PTPRT: variants seen among roughly 807,000 people sequenced by gnomAD.
PTPRT encodes protein tyrosine phosphatase receptor type T.
PTPRT carries 56 observed loss-of-function variants against 176.8 expected under a neutral mutation model. That is an observed-to-expected ratio of 0.32 (90% CI 0.26 to 0.40). PTPRT has a LOEUF of 0.40. PTPRT is among the 10% of genes least tolerant of loss of function. PTPRT has a pLI of 1.00. For missense variants in PTPRT, 1,540 were observed against 1,908.2 expected, an observed-to-expected ratio of 0.81 and a Z score of 3.60; for synonymous variants, 783 against 739.0, an observed-to-expected ratio of 1.06 and a Z score of -0.96.
chr20:42,793,746 C>G (rs566247914), intron 2 of PTPRT, among the ~76,000 whole-genome samples: 47 of 152,196 alleles, frequency 3.1e-4, no homozygotes, highest in Non-Finnish European at 5.9e-4. Context: ...GAGATGAGAC[C>G]GAGCCTGCAT....
chr20:42,827,794 T>C (rs1417139741), intron 2 of PTPRT, among the ~76,000 whole-genome samples: 1 of 152,182 alleles, frequency 6.6e-6, no homozygotes, highest in Non-Finnish European at 1.5e-5. Flanking sequence ...TTGGCACTTC[T>C]CCTTAATGTC....
intron 6 of PTPRT, among the ~76,000 whole-genome samples, chr20:42,691,851 C>T (rs2075798696): frequency 6.6e-6 from 1 of 152,168 alleles, no homozygotes; most frequent in Non-Finnish European, 1.5e-5. Flanking sequence ...CTGTTGTCTA[C>T]CACAGGTCAC....
At chr20:42,747,071 A>G (rs546835057) in intron 6 of PTPRT, among the ~76,000 whole-genome samples, 1 of 152,312 alleles carries the variant, frequency 6.6e-6, no homozygotes, top group South Asian at 2.1e-4. Context: ...AGACCATAAG[A>G]GGAGCACAGG....
intron 1 of PTPRT, among the ~76,000 whole-genome samples, chr20:43,029,961 C>G (rs1273329557): frequency 6.6e-6 from 1 of 152,184 alleles, no homozygotes. Context: ...ATGGCCACAG[C>G]CAACCTGATA....
intron 1 of PTPRT, among the ~76,000 whole-genome samples, chr20:43,140,332 C>T (rs1229380154): frequency 3.3e-5 from 5 of 152,106 alleles, no homozygotes; most frequent in African/African-American, 1.2e-4. Flanking sequence ...CTGCAATAAA[C>T]ATCCCAGTAC....
intron 9 of PTPRT, among the ~76,000 whole-genome samples, chr20:42,403,445 T>G (rs2058930790): frequency 1.3e-5 from 2 of 152,166 alleles, no homozygotes; most frequent in Non-Finnish European, 2.9e-5. Context: ...CTTCCTCAAG[T>G]GCATCAAATA....
At chr20:42,501,289 T>C (rs2071746922) in intron 7 of PTPRT, among the ~76,000 whole-genome samples, 1 of 152,218 alleles carries the variant, frequency 6.6e-6, no homozygotes, top group Non-Finnish European at 1.5e-5. Context: ...ACTTCATCCA[T>C]TCCCATTGCT....
chr20:42,512,649 G>C (rs981550266), intron 7 of PTPRT, among the ~76,000 whole-genome samples: 3 of 152,042 alleles, frequency 2.0e-5, no homozygotes, highest in African/African-American at 7.2e-5. Context: ...TATTTGGGTT[G>C]CTGGGTCTAA....
At chr20:43,160,023 A>G (rs1253673166) in intron 1 of PTPRT, among the ~76,000 whole-genome samples, 1 of 151,984 alleles carries the variant, frequency 6.6e-6, no homozygotes, top group African/African-American at 2.4e-5. Context: ...AAAAGAAAGA[A>G]AAAGAAAAAG....
chr20:42,676,780 A>T (rs2075512172), intron 7 of PTPRT, among the ~76,000 whole-genome samples: 2 of 152,234 alleles, frequency 1.3e-5, no homozygotes, highest in South Asian at 4.1e-4. Flanking sequence ...AATTTGCAAC[A>T]AATAAAGAGC....
chr20:42,404,553 T>G (rs1438365258), intron 9 of PTPRT, among the ~76,000 whole-genome samples: 1 of 152,134 alleles, frequency 6.6e-6, no homozygotes, highest in Non-Finnish European at 1.5e-5. Context: ...GAGGCCAGAT[T>G]CATCAAATTC....
chr20:42,414,890 T>C (rs1050723385), intron 9 of PTPRT, among the ~76,000 whole-genome samples: 2 of 152,178 alleles, frequency 1.3e-5, no homozygotes, highest in Non-Finnish European at 2.9e-5. Context: ...CTCCCACTTA[T>C]CTGGAAAAAT....
rs772057709 is a variant in PTPRT, at chr20:42,472,358, C to T, written c.1358G>A (p.Arg453His). Residue 453 changes from arginine (R) to histidine (H), a missense_variant, in exon 8 of 31, where the codon CGC becomes CAC. By Grantham distance (29) the Arg-to-His change is conservative (BLOSUM62 0). Coordinates refer to ENST00000373187, the MANE Select transcript of PTPRT (RefSeq NM_007050.6). ...TCGCAGCCGGATGGTCATGAAGGGGCGCAGGCCTCGCAGGGTGTAGTGGGA... is the reference window on the plus strand; with the variant it reads ...TCGCAGCCGGATGGTCATGAAGGGGTGCAGGCCTCGCAGGGTGTAGTGGGA... ...TSSHYTLRGL[R>H]PFMTIRLRLL... The T allele has an allele frequency of 1.1e-5, 18 of 1,614,048 alleles. No individual in the cohort carries two copies. The highest frequency in any genetic ancestry group is 1.6e-4 in the Middle Eastern group (1 of 6,084).
intron 1 of PTPRT, among the ~76,000 whole-genome samples, chr20:42,937,763 T>C (rs1417105678): frequency 3.3e-5 from 5 of 152,204 alleles, no homozygotes; most frequent in Admixed American, 6.5e-5. Context: ...ATTATCCCAT[T>C]CACCATCCAT....
intron 1 of PTPRT, among the ~76,000 whole-genome samples, chr20:43,182,010 G>A (rs559657034): frequency 6.6e-6 from 1 of 152,268 alleles, no homozygotes; most frequent in South Asian, 2.1e-4. Context: ...ATCACCCAAG[G>A]CCACTAGTAC....
chr20:42,945,848 G>A (rs1266316447), intron 1 of PTPRT, among the ~76,000 whole-genome samples: 2 of 151,952 alleles, frequency 1.3e-5, no homozygotes, highest in Non-Finnish European at 2.9e-5. Context: ...CGCCAGAGAA[G>A]ACCCCCGACC....
Position 42,888,519 on chromosome 20 carries a change from T to A in PTPRT, c.89-2587A>T, listed in dbSNP as rs546573851. Among the ~76,000 whole-genome samples, 5 of 152,312 alleles carry A rather than the reference T, an allele frequency of 3.3e-5. No homozygotes were observed. In the East Asian group the frequency reaches 9.7e-4, roughly 29 times the overall value. On this transcript the variant is annotated intron_variant, in intron 1 of 30. Transcript: ENST00000373187. The stretch of plus-strand genomic sequence containing the variant: ...TAAGAGAATTGATGCACTGAGGGGA[T>A]AAATGACCTGCTCAGGCAACATGGA...
chr20:42,280,661 G>T (rs556968289), intron 13 of PTPRT, among the ~76,000 whole-genome samples: 1 of 152,316 alleles, frequency 6.6e-6, no homozygotes, highest in South Asian at 2.1e-4. Flanking sequence ...CTTATGCTAA[G>T]GAGAGGTAGA....
intron 7 of PTPRT, among the ~76,000 whole-genome samples, chr20:42,563,413 A>G (rs754049470): frequency 1.3e-5 from 2 of 152,196 alleles, no homozygotes; most frequent in Non-Finnish European, 2.9e-5. Context: ...TCTTGGTAGA[A>G]TTATAAATCA....
Sources: allele counts gnomAD v4.1 joint callset (sites outside exome capture counted in the v4.1 genomes callset), GRCh38; gene constraint gnomAD v4.1.1; transcripts MANE v1.5; gene names NCBI Gene and HGNC (gene_info 2026-07-23, HGNC 2026-07-21).